ITCH: variants seen among roughly 807,000 people sequenced by gnomAD.
The protein encoded by ITCH is itchy E3 ubiquitin protein ligase.
A neutral mutation model predicts 126.8 loss-of-function variants in ITCH; 28 were observed. The ratio of observed to expected loss-of-function variants is 0.22; its 90% CI spans 0.16 to 0.30. The LOEUF (loss-of-function observed/expected upper bound fraction) is 0.30. Among genes scored for constraint, ITCH ranks in the 10% least tolerant of loss-of-function variants. The pLI is 1.00. For synonymous variants in ITCH, 342 were observed against 340.0 expected (o/e 1.01, Z -0.06); for missense variants, 631 against 1,032.4 (o/e 0.61, Z 5.33).
chr20:34,456,182 GTGTATATATATATA>G (rs1310262778), intron 12 of ITCH, among the ~76,000 whole-genome samples: 73 of 37,176 alleles, frequency 2.0e-3, no homozygotes, highest in African/African-American at 9.8e-3. Flanking sequence ...GTGTGTGTGT[GTGTATATATATATA>G]TATATATATA....
chr20:34,488,431 TG>T (rs1229257706), intron 20 of ITCH, among the ~76,000 whole-genome samples: 1 of 152,098 alleles, frequency 6.6e-6, no homozygotes, highest in African/African-American at 2.4e-5. Flanking sequence ...TGAAATTATC[TG>T]GGCTGGGCGT....
At chr20:34,371,279 CTTTTTTTTTTT>C (rs770951963) in intron 2 of ITCH, among the ~76,000 whole-genome samples, 3 of 118,480 alleles carry the variant, frequency 2.5e-5, no homozygotes, top group African/African-American at 1.1e-4. Flanking sequence ...ATCACTTCTT[CTTTTTTTTTTT>C]TTTTTTTTTT....
intron 3 of ITCH, among the ~76,000 whole-genome samples, chr20:34,397,253 C>T (rs2038710407): frequency 6.6e-6 from 1 of 152,110 alleles, no homozygotes. Flanking sequence ...GAACTCCTGA[C>T]CTCAGGATCC....
At chr20:34,475,947 T>C in intron 16 of ITCH, 1 of 1,498,962 alleles carries the variant, frequency 6.7e-7, no homozygotes, top group South Asian at 1.1e-5. Flanking sequence ...CCCACATCAA[T>C]GGATTGTCTG....
At chr20:34,474,044 A>T (rs1987892208) in intron 16 of ITCH, among the ~76,000 whole-genome samples, 1 of 152,210 alleles carries the variant, frequency 6.6e-6, no homozygotes, top group South Asian at 2.1e-4. Flanking sequence ...ATATGAAAAC[A>T]TTTTGCTAAA....
intron 8 of ITCH, among the ~76,000 whole-genome samples, chr20:34,439,198 A>G (rs888846642): frequency 2.0e-5 from 3 of 152,244 alleles, no homozygotes; most frequent in Admixed American, 6.5e-5. Context: ...TAGTTAAACC[A>G]AATATTACTA....
intron 3 of ITCH, among the ~76,000 whole-genome samples, chr20:34,396,243 A>G (rs2038671676): frequency 6.6e-6 from 1 of 151,962 alleles, no homozygotes; most frequent in Admixed American, 6.6e-5. Context: ...CATGTTGGCC[A>G]GGCTGGTCTC....
At chr20:34,496,368 T>G (rs1262573002) in intron 23 of ITCH, among the ~76,000 whole-genome samples, 1 of 152,254 alleles carries the variant, frequency 6.6e-6, no homozygotes, top group Admixed American at 6.5e-5. Flanking sequence ...ATGAATTGTT[T>G]GCATATACTT....
chr20:34,373,830 T>C (rs560033033), intron 2 of ITCH, among the ~76,000 whole-genome samples: 1 of 152,224 alleles, frequency 6.6e-6, no homozygotes, highest in Non-Finnish European at 1.5e-5. Context: ...GAGAAAATGT[T>C]TATTATTTTA....
intron 7 of ITCH, among the ~76,000 whole-genome samples, chr20:34,430,729 T>A (rs1182708573): frequency 4.6e-5 from 7 of 152,134 alleles, no homozygotes; most frequent in Admixed American, 3.9e-4. Context: ...TTGGCCTTCT[T>A]GGCCTCCCAA....
At chr20:34,416,259 G>A (rs994459048) in intron 6 of ITCH, among the ~76,000 whole-genome samples, 22 of 152,000 alleles carry the variant, frequency 1.4e-4, no homozygotes, top group Non-Finnish European at 2.2e-4. Context: ...TTAGCTGGGC[G>A]TGGTGGCGCA....
intron 7 of ITCH, among the ~76,000 whole-genome samples, chr20:34,432,531 C>G (rs1240874512): frequency 6.6e-6 from 1 of 152,114 alleles, no homozygotes; most frequent in African/African-American, 2.4e-5. Flanking sequence ...TTTTAAAAAG[C>G]ATTAACATTT....
rs77498763 is a variant in ITCH, at chr20:34,457,499, T to G, written c.1295+25T>G. ...GGTAAGAATAGTTACTTGTGTATAT[T>G]TAATCTCTTAAAGATTATACCTTAT... On this transcript the variant is annotated intron_variant, in intron 13 of 24. Transcript: ENST00000374864. 3,814 of 1,418,726 alleles carry G rather than the reference T, an allele frequency of 2.7e-3. 10 individuals carry two copies. The highest frequency in any genetic ancestry group is 3.3e-3 in the Non-Finnish European group (3,292 of 1,005,230). The allele number at this position is 1,418,726 out of a possible 1,614,324, so 87.9% of individuals were successfully genotyped here. A position where few individuals can be genotyped will look rare whatever the true frequency, so the allele number is the denominator to read the frequency against.
chr20:34,495,971 G>A (rs944158342), intron 23 of ITCH, among the ~76,000 whole-genome samples: 1 of 145,794 alleles, frequency 6.9e-6, no homozygotes, highest in Non-Finnish European at 1.5e-5. Flanking sequence ...GGTGGTACAC[G>A]CCTGTAATCC....
chr20:34,365,273 T>A (rs1030885330), intron 1 of ITCH, among the ~76,000 whole-genome samples: 2 of 152,150 alleles, frequency 1.3e-5, no homozygotes, highest in African/African-American at 4.8e-5. Context: ...ATTTAAGTTT[T>A]GTGAGTCCAA....
At chr20:34,451,434 C>T (rs921084984) in intron 12 of ITCH, among the ~76,000 whole-genome samples, 1 of 151,914 alleles carries the variant, frequency 6.6e-6, no homozygotes, top group Non-Finnish European at 1.5e-5. Context: ...CACTCCAGCC[C>T]GGGTGAGAGA....
At chr20:34,490,429 G>T (rs1989426279) in intron 22 of ITCH, among the ~76,000 whole-genome samples, 1 of 152,172 alleles carries the variant, frequency 6.6e-6, no homozygotes, top group South Asian at 2.1e-4. Flanking sequence ...CCAGCACTTT[G>T]GGAGGCTGAG....
At chr20:34,461,857 C>T (rs943076918) in intron 13 of ITCH, among the ~76,000 whole-genome samples, 11 of 151,988 alleles carry the variant, frequency 7.2e-5, no homozygotes, top group Admixed American at 2.0e-4. Flanking sequence ...GAGTCATTAG[C>T]TAATGGGGAA....
intron 24 of ITCH, among the ~76,000 whole-genome samples, chr20:34,504,939 C>A (rs1277139756): frequency 6.6e-6 from 1 of 152,094 alleles, no homozygotes; most frequent in Non-Finnish European, 1.5e-5. Flanking sequence ...TTTGTACATG[C>A]ATGTAGTGTT....
Sources: allele counts gnomAD v4.1 joint callset (sites outside exome capture counted in the v4.1 genomes callset), GRCh38; gene constraint gnomAD v4.1.1; transcripts MANE v1.5; gene names NCBI Gene and HGNC (gene_info 2026-07-23, HGNC 2026-07-21).